PCTP: variants seen among roughly 807,000 people sequenced by gnomAD.
PCTP encodes the protein START domain-containing protein 2.
In PCTP, 27 loss-of-function variants were observed where a neutral mutation model predicts 31.0. The ratio of observed to expected loss-of-function variants is 0.87; its 90% CI spans 0.64 to 1.20. PCTP has a LOEUF of 1.20. Among genes scored for constraint, PCTP ranks in the 50% most tolerant of loss-of-function variants. The pLI is 0.00. For synonymous variants in PCTP, 108 were observed against 101.2 expected (o/e 1.07, Z -0.40); for missense variants, 287 against 268.2 (o/e 1.07, Z -0.49).
At position 55,755,513 on chromosome 17, in the gene PCTP, T is replaced by C. The variant is rs1205667533; in HGVS notation, c.141+4269T>C. Among the ~76,000 whole-genome samples the C allele has an allele frequency of 2.6e-5, 4 of 152,226 alleles. 1 individual carries two copies. In the South Asian group the frequency reaches 6.2e-4, roughly 24 times the overall value. ...TATTTTGAAATAAAAATAATAGAATTGTGTCCTTTTTTTTAGTAGACACAA... is the reference window on the plus strand; with the variant it reads ...TATTTTGAAATAAAAATAATAGAATCGTGTCCTTTTTTTTAGTAGACACAA... On this transcript the variant is annotated intron_variant, in intron 1 of 5. Transcript: ENST00000268896.
intron 3 of PCTP, among the ~76,000 whole-genome samples, chr17:55,812,441 A>G (rs1227401113): frequency 6.6e-6 from 1 of 152,216 alleles, no homozygotes; most frequent in East Asian, 1.9e-4. Flanking sequence ...AAGCCCAGAC[A>G]TTCTGTTGCC....
chr17:55,790,383 A>G (rs910846638), intron 3 of PCTP, among the ~76,000 whole-genome samples: 3 of 152,134 alleles, frequency 2.0e-5, no homozygotes, highest in African/African-American at 7.2e-5. Flanking sequence ...TGCAAACGAC[A>G]TGATTGTATA....
intron 2 of PCTP, among the ~76,000 whole-genome samples, chr17:55,785,517 A>G (rs1244024382): frequency 6.6e-6 from 1 of 152,254 alleles, no homozygotes; most frequent in Non-Finnish European, 1.5e-5. Context: ...GTGATAGATA[A>G]CTGAAGCAAT....
At chr17:55,788,722 T>G (rs917794324) in intron 3 of PCTP, among the ~76,000 whole-genome samples, 3 of 152,232 alleles carry the variant, frequency 2.0e-5, no homozygotes, top group Non-Finnish European at 4.4e-5. Context: ...AGGTGTTCAC[T>G]GTATGATTCT....
At chr17:55,751,304 G>T (rs919334568) in intron 1 of PCTP, 60 bp downstream of exon 1, 1 of 1,516,948 alleles carries the variant, frequency 6.6e-7, no homozygotes, top group Non-Finnish European at 8.8e-7. Context: ...CGACCTCCCC[G>T]CAGGGAGTGC....
chr17:55,843,030 A>G (rs56128550), downstream of PCTP, among the ~76,000 whole-genome samples: 7,643 of 152,270 alleles, frequency 0.05, 553 homozygotes, highest in African/African-American at 0.17. Flanking sequence ...AGATGCTATC[A>G]TGGCCCTGTA....
At chr17:55,847,616 C>T (rs1039142234), downstream of PCTP, among the ~76,000 whole-genome samples, 3 of 152,130 alleles carry the variant, frequency 2.0e-5, no homozygotes, top group African/African-American at 4.8e-5. Context: ...AACCTCCTTT[C>T]TTTATAAATT....
intron 3 of PCTP, among the ~76,000 whole-genome samples, chr17:55,800,431 T>C (rs555934377): frequency 6.6e-6 from 1 of 152,152 alleles, no homozygotes; most frequent in South Asian, 2.1e-4. Context: ...CATCAGGTCA[T>C]TTAAGTTCTT....
intron 1 of PCTP, among the ~76,000 whole-genome samples, chr17:55,765,373 C>G (rs1216691425): frequency 1.3e-5 from 2 of 152,170 alleles, no homozygotes; most frequent in Non-Finnish European, 2.9e-5. Flanking sequence ...CACCTCTTCT[C>G]CAAGTTTTTT....
At chr17:55,839,941 A>AAAAAAAAAC (rs1567736242) in intron 5 of PCTP, among the ~76,000 whole-genome samples, 1 of 150,492 alleles carries the variant, frequency 6.6e-6, no homozygotes, top group Non-Finnish European at 1.5e-5. Flanking sequence ...AAAAAAAAAA[A>AAAAAAAAAC]AAAAAACAAC....
chr17:55,781,660 A>G (rs555425049), downstream of PCTP, among the ~76,000 whole-genome samples: 1 of 152,370 alleles, frequency 6.6e-6, no homozygotes, highest in South Asian at 2.1e-4. Context: ...CAGTGGTGCC[A>G]TAAGATTATA....
intron 3 of PCTP, among the ~76,000 whole-genome samples, chr17:55,792,012 T>C (rs1405476599): frequency 1.3e-5 from 2 of 151,162 alleles, no homozygotes; most frequent in East Asian, 3.9e-4. Flanking sequence ...TGTAGGGACA[T>C]GGATGAAATT....
At chr17:55,841,626 G>A (rs1905984237) in intron 5 of PCTP, among the ~76,000 whole-genome samples, 1 of 152,070 alleles carries the variant, frequency 6.6e-6, no homozygotes, top group East Asian at 1.9e-4. Flanking sequence ...TGGATCTCGG[G>A]TGAATATTCC....
chr17:55,813,497 T>C (rs1912820107), intron 3 of PCTP, among the ~76,000 whole-genome samples: 1 of 152,112 alleles, frequency 6.6e-6, no homozygotes, highest in African/African-American at 2.4e-5. Context: ...GTGTTTTCAG[T>C]AGAGACAGGG....
At chr17:55,825,351 T>C (rs751288035), downstream of PCTP, among the ~76,000 whole-genome samples, 5 of 152,236 alleles carry the variant, frequency 3.3e-5, no homozygotes, top group African/African-American at 4.8e-5. Context: ...GTTGAGTGAA[T>C]GCTTGCTTGA....
chr17:55,839,921 A>G (rs1287577424), intron 5 of PCTP, among the ~76,000 whole-genome samples: 1 of 142,084 alleles, frequency 7.0e-6, no homozygotes, highest in East Asian at 2.0e-4. Context: ...CTCAGTCTCA[A>G]AAAAAAAAAA....
intron 1 of PCTP, among the ~76,000 whole-genome samples, chr17:55,754,616 A>T (rs1360776759): frequency 2.6e-5 from 4 of 152,150 alleles, no homozygotes; most frequent in African/African-American, 9.7e-5. Flanking sequence ...GTCTGATCTC[A>T]TATTAATAGA....
intron 2 of PCTP, among the ~76,000 whole-genome samples, chr17:55,787,215 G>A (rs1042910674): frequency 6.6e-6 from 1 of 150,834 alleles, no homozygotes; most frequent in South Asian, 2.1e-4. Context: ...TATCTCATGC[G>A]TTTTCTGCTT....
intron 3 of PCTP, among the ~76,000 whole-genome samples, chr17:55,805,709 A>G (rs906238170): frequency 2.6e-5 from 4 of 152,152 alleles, no homozygotes; most frequent in African/African-American, 9.7e-5. Context: ...AGATCTACAC[A>G]ATACCATTTA....
Sources: gnomAD v4.1 joint callset for allele counts (sites outside exome capture counted in the v4.1 genomes callset) on GRCh38, gnomAD v4.1.1 for gene constraint, MANE v1.5 for transcripts, NCBI Gene and HGNC (gene_info 2026-07-23, HGNC 2026-07-21) for gene names.